STK3: variants seen among roughly 807,000 people sequenced by gnomAD.
The protein encoded by STK3 is serine/threonine kinase 3.
A neutral mutation model predicts 58.0 loss-of-function variants in STK3; 41 were observed. The ratio of observed to expected loss-of-function variants is 0.71; its 90% CI spans 0.55 to 0.92. STK3 has a LOEUF of 0.92. Ranked by LOEUF, STK3 falls within the 40% of genes least tolerant of loss-of-function variation. The pLI, the probability that STK3 is intolerant of heterozygous loss-of-function variation, is 0.00. For missense variants in STK3, 479 were observed against 602.7 expected (o/e 0.79, Z 2.15); for synonymous variants, 170 against 191.0 (o/e 0.89, Z 0.91).
chr8:98,646,693 TTCTGTTTTACAGTAATTC>T (rs1360730440), intron 6 of STK3, among the ~76,000 whole-genome samples: 1 of 152,202 alleles, frequency 6.6e-6, no homozygotes, highest in African/African-American at 2.4e-5. Context: ...TCCTGCTTTT[TTCTGTTTTACAGTAATTC>T]TCTCCAGCTA....
intron 10 of STK3, among the ~76,000 whole-genome samples, chr8:98,507,139 G>C (rs1283973521): frequency 1.3e-5 from 2 of 152,054 alleles, no homozygotes; most frequent in African/African-American, 2.4e-5. Flanking sequence ...GTCCTTTGAA[G>C]ATCCCATTCA....
intron 3 of STK3, among the ~76,000 whole-genome samples, chr8:98,864,807 A>G (rs918886508): frequency 2.0e-5 from 3 of 152,256 alleles, no homozygotes; most frequent in Non-Finnish European, 4.4e-5. Context: ...CTAATACGGT[A>G]AACTCTGGCC....
intron 4 of STK3, among the ~76,000 whole-genome samples, chr8:98,720,359 A>G (rs1827309102): frequency 6.6e-6 from 1 of 152,236 alleles, no homozygotes; most frequent in South Asian, 2.1e-4. Context: ...TCATACAACT[A>G]CTAAGTAGCA....
At chr8:98,588,759 T>C (rs1244583521) in intron 7 of STK3, among the ~76,000 whole-genome samples, 6 of 152,010 alleles carry the variant, frequency 3.9e-5, no homozygotes, top group Non-Finnish European at 8.8e-5. Flanking sequence ...TTTGGTCTTT[T>C]CACATAGTCC....
intron 1 of STK3, among the ~76,000 whole-genome samples, chr8:98,939,204 G>T (rs1005502124): frequency 6.6e-6 from 1 of 152,224 alleles, no homozygotes; most frequent in African/African-American, 2.4e-5. Flanking sequence ...AGTGAAGGAA[G>T]AAGGAAGAGG....
At chr8:98,380,963 CTTTTTTTTTTTTTT>C (rs33934435) in intron 1 of STK3, among the ~76,000 whole-genome samples, 1 of 44,096 alleles carries the variant, frequency 2.3e-5, no homozygotes, top group Non-Finnish European at 4.0e-5. Context: ...TCTCTCTCTC[CTTTTTTTTTTTTTT>C]TTTTTTTTTT....
chr8:98,452,085 G>T (rs1379575846), downstream of STK3, among the ~76,000 whole-genome samples: 2 of 152,082 alleles, frequency 1.3e-5, no homozygotes, highest in Non-Finnish European at 2.9e-5. Context: ...TACAGGATAG[G>T]AAATGAAAAT....
chr8:98,347,472 G>A, the STK3 span, among the ~76,000 whole-genome samples: 13 of 151,060 alleles, frequency 8.6e-5, no homozygotes, highest in East Asian at 9.7e-4. Context: ...CCAAGATTGC[G>A]CCACTGCACT....
chr8:98,893,474 GAA>G (rs1491144801), intron 1 of STK3, among the ~76,000 whole-genome samples: 2,572 of 63,532 alleles, frequency 0.04, 25 homozygotes, highest in African/African-American at 0.058. Flanking sequence ...AAGAAAGAAA[GAA>G]AGAAAGAAAG....
At chr8:98,912,600 A>G (rs55939044) in intron 1 of STK3, among the ~76,000 whole-genome samples, 9,720 of 152,198 alleles carry the variant, frequency 0.064, 408 homozygotes, top group South Asian at 0.1. Flanking sequence ...ACTAAAAAAC[A>G]TACTCTCTGC....
intron 3 of STK3, among the ~76,000 whole-genome samples, chr8:98,423,442 G>A (rs1290430863): frequency 6.6e-6 from 1 of 152,234 alleles, no homozygotes; most frequent in Non-Finnish European, 1.5e-5. Context: ...GCAGTGAGCC[G>A]AAGTTTGGGA....
chr8:98,748,575 A>C (rs1037637408), intron 4 of STK3, among the ~76,000 whole-genome samples: 4 of 152,062 alleles, frequency 2.6e-5, no homozygotes, highest in Non-Finnish European at 4.4e-5. Context: ...TTACTGCTAC[A>C]GAATTACAAA....
chr8:98,716,137 G>A (rs1826993888), intron 4 of STK3, among the ~76,000 whole-genome samples: 1 of 152,124 alleles, frequency 6.6e-6, no homozygotes, highest in African/African-American at 2.4e-5. Context: ...CCTGTTGTGG[G>A]GTGTGGGGAG....
chr8:98,900,824 G>A (rs1342861476), intron 1 of STK3, among the ~76,000 whole-genome samples: 3 of 151,690 alleles, frequency 2.0e-5, no homozygotes, highest in African/African-American at 4.8e-5. Flanking sequence ...ATGACACCAA[G>A]CTAATTTTTG....
At chr8:98,754,148 G>T (rs1044551836) in intron 3 of STK3, among the ~76,000 whole-genome samples, 1 of 152,042 alleles carries the variant, frequency 6.6e-6, no homozygotes, top group African/African-American at 2.4e-5. Context: ...CTTGGGAATT[G>T]AAAGTATGTA....
At chr8:98,940,103 C>T (rs1460811467) in intron 1 of STK3, among the ~76,000 whole-genome samples, 2 of 152,142 alleles carry the variant, frequency 1.3e-5, no homozygotes, top group Admixed American at 1.3e-4. Flanking sequence ...GCTCTGTGCC[C>T]GCGCGCCGCC....
chr8:98,351,465 T>A, the STK3 span, among the ~76,000 whole-genome samples: 3 of 152,178 alleles, frequency 2.0e-5, no homozygotes, highest in Non-Finnish European at 2.9e-5. Context: ...CAATATGGGA[T>A]AAAACAAATG....
chr8:98,785,210 C>T (rs1032338685), intron 1 of STK3, among the ~76,000 whole-genome samples: 4 of 152,214 alleles, frequency 2.6e-5, no homozygotes, highest in Non-Finnish European at 4.4e-5. Flanking sequence ...TAACTCCAGG[C>T]ATTCAGAGCA....
chr8:98,755,647 G>A (rs1830242727), intron 3 of STK3, among the ~76,000 whole-genome samples: 1 of 152,192 alleles, frequency 6.6e-6, no homozygotes, highest in African/African-American at 2.4e-5. Flanking sequence ...AAACTCCAGA[G>A]TTCATATGTA....
Sources: allele counts gnomAD v4.1 joint callset (sites outside exome capture counted in the v4.1 genomes callset), GRCh38; gene constraint gnomAD v4.1.1; transcripts MANE v1.5; gene names NCBI Gene and HGNC (gene_info 2026-07-23, HGNC 2026-07-21).